Variants in NRG1 observed in about 807,000 individuals in gnomAD.
NRG1 encodes pro-neuregulin-1, membrane-bound isoform.
NRG1 carries 18 observed loss-of-function variants against 63.8 expected under a neutral mutation model. That is an observed-to-expected ratio of 0.28 (90% CI 0.19 to 0.42). The LOEUF (loss-of-function observed/expected upper bound fraction) is 0.42, where lower values mean the gene tolerates loss of function less well. Among genes scored for constraint, NRG1 ranks in the 10% least tolerant of loss-of-function variants. The pLI is 1.00. For missense variants in NRG1, 762 were observed against 814.7 expected, an observed-to-expected ratio of 0.94 and a Z score of 0.79; for synonymous variants, 302 against 301.3, an observed-to-expected ratio of 1.00 and a Z score of -0.02.
At chr8:31,689,122 C>T (rs1479285451) in intron 1 of NRG1, among the ~76,000 whole-genome samples, 1 of 152,124 alleles carries the variant, frequency 6.6e-6, no homozygotes, top group African/African-American at 2.4e-5. Flanking sequence ...TTCATGGGGC[C>T]CACCCAGATA....
chr8:32,430,504 T>A (rs1469564955), intron 1 of NRG1, among the ~76,000 whole-genome samples: 1 of 152,024 alleles, frequency 6.6e-6, no homozygotes, highest in African/African-American at 2.4e-5. Context: ...GTGTGGAGAG[T>A]CTGATATCCT....
At chr8:32,620,240 T>A (rs1848088003) in intron 5 of NRG1, among the ~76,000 whole-genome samples, 2 of 152,322 alleles carry the variant, frequency 1.3e-5, no homozygotes, top group South Asian at 4.1e-4. Context: ...AATCCCTGTA[T>A]TTGAAAAGCG....
At chr8:31,639,688 G>T (rs1203666319) in intron 1 of NRG1, 1 of 1,401,928 alleles carries the variant, frequency 7.1e-7, no homozygotes, top group Non-Finnish European at 9.2e-7. Flanking sequence ...GGGGGGTGGG[G>T]GGACCTGTCA....
chr8:32,047,690 T>A lies in NRG1; in HGVS notation c.37+408259T>A, dbSNP rs569317028. 3.3e-5 allele frequency among the ~76,000 whole-genome samples: 5 copies of A among 152,126 alleles called. No homozygotes were observed. The East Asian group carries it at 7.7e-4, about 24-fold the overall frequency. ...TACTTACTGTGTACAACATTGATGT[T>A]TTCAAATATATATACATTATGAAAT... On this transcript the variant is annotated intron_variant, in intron 1 of 10. Transcript: ENST00000519301.
chr8:32,448,077 A>G lies in NRG1; in HGVS notation c.38-147751A>G, dbSNP rs142285832. ...GGCTTTCCTAAGCTAGCTTAGTTAT[A>G]TATGTTCACTTCAGTTTGAGTCTCC... is the stretch of plus-strand genomic sequence containing the variant. On this transcript the variant is annotated intron_variant, in intron 1 of 10. Coordinates refer to the NRG1 transcript ENST00000519301. Among the ~76,000 whole-genome samples, 911 of 152,306 alleles carry G rather than the reference A, an allele frequency of 6.0e-3. 6 individuals carry two copies. Among genetic ancestry groups the G allele is most frequent in the African/African-American group, 0.021 (860 of 41,568 alleles).
intron 1 of NRG1, among the ~76,000 whole-genome samples, chr8:32,502,992 GA>G (rs1828044373): frequency 6.6e-6 from 1 of 151,938 alleles, no homozygotes; most frequent in Non-Finnish European, 1.5e-5. Flanking sequence ...GCCAAATTAA[GA>G]AGTCAAAAGT....
At chr8:32,068,133 C>G (rs1270393016) in intron 1 of NRG1, among the ~76,000 whole-genome samples, 2 of 152,134 alleles carry the variant, frequency 1.3e-5, no homozygotes, top group Admixed American at 6.5e-5. Flanking sequence ...GTCAGAAGGC[C>G]TGAGTTCTCA....
At chr8:32,673,186 T>C (rs1208602729) in intron 5 of NRG1, among the ~76,000 whole-genome samples, 2 of 152,204 alleles carry the variant, frequency 1.3e-5, no homozygotes, top group African/African-American at 4.8e-5. Flanking sequence ...GCTGATCTAG[T>C]CAATATCAAT....
At chr8:31,974,370 A>G (rs1234225947) in intron 1 of NRG1, among the ~76,000 whole-genome samples, 1 of 151,926 alleles carries the variant, frequency 6.6e-6, no homozygotes, top group Non-Finnish European at 1.5e-5. Context: ...GTATTTACCT[A>G]TGTTGCCCAA....
intron 1 of NRG1, among the ~76,000 whole-genome samples, chr8:31,680,362 A>G (rs1022337443): frequency 2.7e-5 from 4 of 146,324 alleles, no homozygotes; most frequent in Non-Finnish European, 4.5e-5. Flanking sequence ...TCATTGTTCA[A>G]TTCCCACCTA....
chr8:32,545,847 G>A (rs1833013890), upstream of NRG1, among the ~76,000 whole-genome samples: 1 of 152,172 alleles, frequency 6.6e-6, no homozygotes, highest in Non-Finnish European at 1.5e-5. Flanking sequence ...TATGGTTCCA[G>A]AAAGGATTGT....
intron 1 of NRG1, among the ~76,000 whole-genome samples, chr8:32,095,386 A>G (rs1829772303): frequency 6.6e-6 from 1 of 152,186 alleles, no homozygotes; most frequent in African/African-American, 2.4e-5. Flanking sequence ...AACTCCAAAT[A>G]TTAGCATAAA....
At chr8:32,486,013 C>T (rs1328430358) in intron 1 of NRG1, among the ~76,000 whole-genome samples, 3 of 151,994 alleles carry the variant, frequency 2.0e-5, no homozygotes, top group Admixed American at 6.6e-5. Flanking sequence ...CTGCAACCTC[C>T]GCCTCCTGGG....
intron 1 of NRG1, among the ~76,000 whole-genome samples, chr8:32,517,333 T>C (rs1398726843): frequency 6.6e-6 from 1 of 152,156 alleles, no homozygotes; most frequent in Non-Finnish European, 1.5e-5. Flanking sequence ...TGAAGAACTT[T>C]TATTTTGTAA....
At chr8:32,624,640 A>T (rs994563055) in intron 5 of NRG1, among the ~76,000 whole-genome samples, 14 of 152,194 alleles carry the variant, frequency 9.2e-5, no homozygotes, top group African/African-American at 3.1e-4. Flanking sequence ...TCATTTTTTT[A>T]AAAGACTCAT....
intron 1 of NRG1, among the ~76,000 whole-genome samples, chr8:32,127,199 G>A (rs1352434378): frequency 6.6e-6 from 1 of 151,886 alleles, no homozygotes; most frequent in Non-Finnish European, 1.5e-5. Flanking sequence ...ACCTGTTTTA[G>A]AACTTTCTTC....
At chr8:31,857,219 C>T (rs1007188841) in intron 1 of NRG1, among the ~76,000 whole-genome samples, 4 of 152,326 alleles carry the variant, frequency 2.6e-5, no homozygotes, top group South Asian at 2.1e-4. Flanking sequence ...AGCCTGCTGC[C>T]GCCTTGCAGT....
chr8:32,767,575 T>C (rs905643457), exon 12 of NRG1: 1 of 152,210 alleles, frequency 6.6e-6, no homozygotes, highest in South Asian at 2.1e-4. Flanking sequence ...TTTGAGTTAA[T>C]GTCAGTTTTT....
chr8:31,880,237 T>C (rs1235317949), intron 1 of NRG1, among the ~76,000 whole-genome samples: 1 of 152,114 alleles, frequency 6.6e-6, no homozygotes, highest in Non-Finnish European at 1.5e-5. Flanking sequence ...AAATCTGATA[T>C]GTTTTAGTGA....
Sources: gnomAD v4.1 joint callset for allele counts (sites outside exome capture counted in the v4.1 genomes callset) on GRCh38, gnomAD v4.1.1 for gene constraint, MANE v1.5 for transcripts, NCBI Gene and HGNC (gene_info 2026-07-23, HGNC 2026-07-21) for gene names.